The following NPR1 variants were observed in gnomAD, a reference collection of about 807,000 sequenced individuals.
The protein encoded by NPR1 is atrial natriuretic peptide receptor 1.
Under a neutral mutation model 116.9 loss-of-function variants are expected in NPR1, and 57 were observed. The observed-to-expected ratio is 0.49, with a 90% CI of 0.39 to 0.61. The LOEUF (loss-of-function observed/expected upper bound fraction) is 0.61. Ranked by LOEUF, NPR1 falls within the 20% of genes least tolerant of loss-of-function variation. The pLI is 0.00. For missense variants in NPR1, 1,096 were observed against 1,409.8 expected (o/e 0.78, Z 3.56); for synonymous variants, 555 against 601.6 (o/e 0.92, Z 1.13).
intron 3 of NPR1, 152 bp downstream of exon 3, chr1:153,681,445 T>C (rs938126994): frequency 4.6e-6 from 3 of 645,554 alleles, no homozygotes; most frequent in Non-Finnish European, 5.4e-6. Context: ...AGGAGGACAC[T>C]GGCAAGTTCA....
Position 153,682,403 on chromosome 1 carries a change from G to A in NPR1, c.1172-95G>A, listed in dbSNP as rs188934149. The A allele has an allele frequency of 7.8e-4, 689 of 886,602 alleles. 12 individuals are homozygous for A. The Admixed American group carries it at 0.012, about 16-fold the overall frequency. The allele number at this position is 886,602 out of a possible 1,614,324, so 54.9% of individuals were successfully genotyped here. A position where few individuals can be genotyped will look rare whatever the true frequency, so the allele number is the denominator to read the frequency against. On this transcript the variant is annotated intron_variant, in intron 4 of 21. Transcript: ENST00000368680. ...ATTCTGTATACATGTATGTTTGGAA[G>A]GCAAGGCAAAAAAGATTAGAGGATG...
rs1156364963 is a variant in NPR1 at position 153,690,108 on chromosome 1, G to GTC, written c.2933-143_2933-142dup. The GTC allele has an allele frequency of 3.9e-3, 1,221 of 315,004 alleles. 18 individuals are homozygous for GTC. Among genetic ancestry groups the GTC allele is most frequent in the East Asian group, 0.021 (414 of 19,468 alleles). The allele number at this position is 315,004 out of a possible 1,614,324, so 19.5% of individuals were successfully genotyped here. On this transcript the variant is annotated intron_variant, in intron 19 of 21. Transcript: ENST00000368680. The stretch of plus-strand genomic sequence containing the variant: ...TCTCTCTCTCTCTCTCTCTCTCTCT[G>GTC]TCTCTCTCTCTCTCTCTCTCTCTCT...
chr1:153,684,829 C>T (rs1669881997), intron 7 of NPR1, 135 bp from the exon 8 acceptor site: 2 of 1,198,080 alleles, frequency 1.7e-6, no homozygotes, highest in Non-Finnish European at 2.4e-6. Context: ...TCCTGATTCT[C>T]AGTCCAGAGG....
rs1670160126 is a variant in NPR1 at position 153,693,451 on chromosome 1, C to T, written c.*37C>T. 1.9e-6 allele frequency: 3 copies of T among 1,550,876 alleles called. No individual in the cohort carries two copies. The highest frequency in any genetic ancestry group is 1.7e-6 in the Non-Finnish European group (2 of 1,144,094). On this transcript the variant is annotated 3_prime_UTR_variant, in exon 22 of 22. Coordinates refer to ENST00000368680, the MANE Select transcript of NPR1 (RefSeq NM_000906.4). ...TCCTATCCCTCCACACCTCCCTACCCTGTGCCAGAAGCAACAGAGGTGCCA... is the reference window on the plus strand; with the variant it reads ...TCCTATCCCTCCACACCTCCCTACCTTGTGCCAGAAGCAACAGAGGTGCCA...
At chr1:153,684,823 G>C in intron 7 of NPR1, 141 bp from the exon 8 acceptor site, 1 of 1,166,354 alleles carries the variant, frequency 8.6e-7, no homozygotes, top group Non-Finnish European at 1.2e-6. Flanking sequence ...CAGCCATCCT[G>C]ATTCTCAGTC....
rs777441528 is a variant in NPR1, at chr1:153,687,363, C to T, written c.2092+7C>T. 5 of 1,613,674 alleles carry T rather than the reference C, an allele frequency of 3.1e-6. No homozygotes were observed. Among genetic ancestry groups the T allele is most frequent in the Admixed American group, 1.7e-5 (1 of 59,980 alleles). On this transcript the variant is annotated splice_region_variant and intron_variant, in intron 13 of 21. Coordinates refer to ENST00000368680, the MANE Select transcript of NPR1 (RefSeq NM_000906.4). ...GGACACACCGTTTATGCCAGTGAGC[C>T]TTGACTCTTGAACCTAACACCTGCC...
Position 153,678,900 on chromosome 1 carries a change from C to T in NPR1, c.-209C>T. The T allele has an allele frequency of 3.3e-6, 2 of 599,594 alleles. No individual in the cohort carries two copies. The highest frequency in any genetic ancestry group is 5.2e-6 in the Non-Finnish European group (2 of 381,410). 37.1% of individuals were successfully genotyped at this position (599,594 alleles called of 1,614,324 possible). A position where few individuals can be genotyped will look rare whatever the true frequency, so the allele number is the denominator to read the frequency against. ...CTGGCACCCACCTGCTCCGCGGCGC[C>T]CTGCGCGCCCCCCTCGGTCGCGCCC... is the stretch of plus-strand genomic sequence containing the variant. On this transcript the variant is annotated 5_prime_UTR_variant, in exon 1 of 22. Coordinates refer to ENST00000368680, the MANE Select transcript of NPR1 (RefSeq NM_000906.4). The surrounding 1 kb of genome is among the most constrained non-coding windows in gnomAD (Gnocchi z 5.8).
Position 153,681,306 on chromosome 1 carries a change from C to T in NPR1, c.1035+13C>T. On this transcript the variant is annotated intron_variant, in intron 3 of 21. Transcript: ENST00000368680. ...GGAGGATGGCCTGGTAAGAAGGGGTCCCGGGACCCTCCAGCGTGGACCTCC... is the reference window on the plus strand; with the variant it reads ...GGAGGATGGCCTGGTAAGAAGGGGTTCCGGGACCCTCCAGCGTGGACCTCC... 1 of 1,507,472 alleles carries T rather than the reference C, an allele frequency of 6.6e-7. No homozygotes were observed. Among genetic ancestry groups the T allele is most frequent in the Non-Finnish European group, 9.2e-7 (1 of 1,083,278 alleles). 93.4% of individuals were successfully genotyped at this position (1,507,472 alleles called of 1,614,324 possible). A position where few individuals can be genotyped will look rare whatever the true frequency, so the allele number is the denominator to read the frequency against.
At chr1:153,691,856 A>G (rs1042850190) in intron 20 of NPR1, among the ~76,000 whole-genome samples, 1 of 151,208 alleles carries the variant, frequency 6.6e-6, no homozygotes, top group Non-Finnish European at 1.5e-5. Context: ...CCGAGACTGC[A>G]CCCCTGGGCA....
rs1227905448 is a variant in NPR1 at position 153,693,981 on chromosome 1, T to A, written c.*567T>A. On this transcript the variant is annotated 3_prime_UTR_variant, in exon 22 of 22. Coordinates refer to ENST00000368680, the MANE Select transcript of NPR1 (RefSeq NM_000906.4). ...CCATGAGCAGAGACAATTAAAATCT[T>A]TATTCCAGTGACAGTGTCTCTTCTT... is the stretch of plus-strand genomic sequence containing the variant. The A allele has an allele frequency of 2.5e-6, 1 of 392,764 alleles. No individual in the cohort carries two copies. The highest frequency in any genetic ancestry group is 4.4e-5 in the Admixed American group (1 of 22,516). The allele number at this position is 392,764 out of a possible 1,614,324, so 24.3% of individuals were successfully genotyped here.
chr1:153,680,393 C>T, intron 1 of NPR1, 108 bp from the exon 2 acceptor site: 1 of 895,460 alleles, frequency 1.1e-6, no homozygotes, highest in South Asian at 1.4e-5. Flanking sequence ...CACTGGGTCT[C>T]TCCTGCACCC....
In NPR1 at chr1:153,689,694, T is replaced by G. The variant is rs1299341204; in HGVS notation, c.2758-112T>G. 5.4e-6 allele frequency: 7 copies of G among 1,293,204 alleles called. No homozygotes were observed. The South Asian group carries it at 5.7e-5, about 10-fold the overall frequency. The allele number at this position is 1,293,204 out of a possible 1,614,324, so 80.1% of individuals were successfully genotyped here. A position where few individuals can be genotyped will look rare whatever the true frequency, so the allele number is the denominator to read the frequency against. On this transcript the variant is annotated intron_variant, in intron 18 of 21. Coordinates refer to ENST00000368680, the MANE Select transcript of NPR1 (RefSeq NM_000906.4). The surrounding 1 kb of genome is among the most constrained non-coding windows in gnomAD (Gnocchi z 5.1). Reference sequence around the variant, plus strand: ...CAGAGAACCCATGTGGGATGGGGGATGAGCAAAGACAGATGAGGGTACAGA... The same window carrying G: ...CAGAGAACCCATGTGGGATGGGGGAGGAGCAAAGACAGATGAGGGTACAGA...
At chr1:153,684,863 A>G in intron 7 of NPR1, 101 bp from the exon 8 acceptor site, 2 of 1,443,868 alleles carry the variant, frequency 1.4e-6, no homozygotes, top group Non-Finnish European at 1.9e-6. Flanking sequence ...TCCATCTCTG[A>G]GTGCATGGTG....
intron 20 of NPR1, among the ~76,000 whole-genome samples, chr1:153,690,923 TAA>T (rs1670090824): frequency 1.1e-5 from 1 of 92,980 alleles, no homozygotes; most frequent in Non-Finnish European, 1.9e-5. Context: ...GCTTGGGCAA[TAA>T]GAGTTAAACT....
Position 153,686,699 on chromosome 1 carries a change from C to T in NPR1, c.1812C>T (p.Asp604=), listed in dbSNP as rs759256402. Residue 604 remains aspartate (D), a synonymous_variant, in exon 11 of 22, where the codon GAC becomes GAT. Coordinates refer to ENST00000368680, the MANE Select transcript of NPR1 (RefSeq NM_000906.4). ...HLTRFVGACT[D]PPNICILTEY... ...CCAGGTTTGTGGGAGCCTGCACCGA[C>T]CCCCCCAATATCTGCATCCTCACAG... The T allele has an allele frequency of 5.6e-6, 9 of 1,613,398 alleles. No individual in the cohort carries two copies. In the African/African-American group the frequency reaches 9.4e-5, roughly 17 times the overall value.
intron 5 of NPR1, 138 bp downstream of exon 5, chr1:153,682,727 TA>T: frequency 1.5e-6 from 1 of 686,852 alleles, no homozygotes. Flanking sequence ...GAGCCCTGGA[TA>T]AAACAGACCC....
At chr1:153,683,674 A>G in intron 6 of NPR1, 66 bp from the exon 7 acceptor site, 1 of 1,562,904 alleles carries the variant, frequency 6.4e-7, no homozygotes, top group Non-Finnish European at 8.8e-7. Flanking sequence ...ATGGACTATT[A>G]GAAAGTTCTT....
chr1:153,693,474 C>A lies in NPR1; in HGVS notation c.*60C>A. On this transcript the variant is annotated 3_prime_UTR_variant, in exon 22 of 22. Coordinates refer to ENST00000368680, the MANE Select transcript of NPR1 (RefSeq NM_000906.4). Reference sequence around the variant, plus strand: ...CCCTGTGCCAGAAGCAACAGAGGTGCCAGGCCTCAGCCTCACCCACAGCAG... The same window carrying A: ...CCCTGTGCCAGAAGCAACAGAGGTGACAGGCCTCAGCCTCACCCACAGCAG... 1 of 1,468,730 alleles carries A rather than the reference C, an allele frequency of 6.8e-7. No homozygotes were observed. The highest frequency in any genetic ancestry group is 1.3e-5 in the South Asian group (1 of 78,822). The allele number at this position is 1,468,730 out of a possible 1,614,324, so 91.0% of individuals were successfully genotyped here.
rs911163928 is a variant in NPR1, at chr1:153,685,140, G to A, written c.1605+56G>A. The A allele has an allele frequency of 5.6e-6, 9 of 1,598,436 alleles. No homozygotes were observed. In the Admixed American group the frequency reaches 1.5e-4, roughly 27 times the overall value. ...AATAAAGGAGAGGTGGGTACAAGGG[G>A]CAGTGCCTGAGGGATAGGTAAGGGA... On this transcript the variant is annotated intron_variant, in intron 8 of 21. Transcript: ENST00000368680.
Sources: allele counts gnomAD v4.1 joint callset (sites outside exome capture counted in the v4.1 genomes callset), GRCh38; gene constraint gnomAD v4.1.1; non-coding constraint Gnocchi (gnomAD v3.1); transcripts MANE v1.5; gene names NCBI Gene and HGNC (gene_info 2026-07-23, HGNC 2026-07-21).